LRRC9: variants seen among roughly 807,000 people sequenced by gnomAD.
The protein encoded by LRRC9 is leucine-rich repeat-containing protein 9.
LRRC9 carries 122 observed loss-of-function variants against 63.2 expected under a neutral mutation model. That is an observed-to-expected ratio of 1.93 (90% confidence interval 1.67 to 2.24). LRRC9 has a LOEUF of 2.24. Among genes scored for constraint, LRRC9 ranks in the 30% most tolerant of loss-of-function variants. The pLI is 0.00. For synonymous variants in LRRC9, 366 were observed against 213.1 expected (o/e 1.72, Z -6.25); for missense variants, 1,071 against 627.7 (o/e 1.71, Z -7.55).
chr14:59,974,763 T>G (rs1287660999), intron 13 of LRRC9, 55 bp downstream of exon 13: 2 of 566,144 alleles, frequency 3.5e-6, no homozygotes, highest in East Asian at 6.2e-5. Flanking sequence ...TCAAATTCAT[T>G]AATTATTTTT....
chr14:60,011,798 T>A (rs1890278526), intron 23 of LRRC9, among the ~76,000 whole-genome samples: 1 of 152,148 alleles, frequency 6.6e-6, no homozygotes, highest in Admixed American at 6.5e-5. Flanking sequence ...AAAGACACCA[T>A]AACAGAATAT....
chr14:59,998,760 G>T (rs1436948896), intron 18 of LRRC9, among the ~76,000 whole-genome samples: 1 of 152,010 alleles, frequency 6.6e-6, no homozygotes, highest in Non-Finnish European at 1.5e-5. Flanking sequence ...AAGGGCTAAA[G>T]ATCCATATTG....
At position 59,996,024 on chromosome 14, in the gene LRRC9, G is replaced by C. The variant is rs1014423868; in HGVS notation, c.2212-1632G>C. On this transcript the variant is annotated intron_variant, in intron 17 of 31. Transcript: ENST00000445360. ...CAAAGTGCTGGGATTACAGGCGTGA[G>C]CCACCGGGCCCGGGCAGAAGACAGT... Among the ~76,000 whole-genome samples, 15 of 152,266 alleles carry C rather than the reference G, an allele frequency of 9.9e-5. 1 individual carries two copies. Among genetic ancestry groups the C allele is most frequent in the Admixed American group, 6.5e-4 (10 of 15,290 alleles).
chr14:59,966,045 G>C lies in LRRC9; in HGVS notation c.1212-544G>C, dbSNP rs1884827037. Among the ~76,000 whole-genome samples the C allele has an allele frequency of 6.6e-6, 1 of 151,942 alleles. No homozygotes were observed. Among genetic ancestry groups the C allele is most frequent in the Admixed American group, 6.6e-5 (1 of 15,240 alleles). On this transcript the variant is annotated intron_variant, in intron 10 of 31. Transcript: ENST00000445360. The surrounding 1 kb of genome is among the most constrained non-coding windows in gnomAD (Gnocchi z 4.0). ...GGAGCAGGTTTGGGGTGCAGTGTTA[G>C]TTATGTTAGGTTGGAGTCACCTGTT...
intron 23 of LRRC9, among the ~76,000 whole-genome samples, chr14:60,012,769 G>A (rs1890351212): frequency 6.6e-6 from 1 of 152,086 alleles, no homozygotes. Context: ...GTTCCCAAAG[G>A]CTAAAATACT....
rs536057753 is a variant in LRRC9 at position 59,966,055 on chromosome 14, GT to G, written c.1212-532del. ...TGGGGTGCAGTGTTAGTTATGTTAGGTTGGAGTCACCTGTTTAACATGCAGA... is the reference window on the plus strand; with the variant it reads ...TGGGGTGCAGTGTTAGTTATGTTAGGTGGAGTCACCTGTTTAACATGCAGA... On this transcript the variant is annotated intron_variant, in intron 10 of 31. Coordinates refer to ENST00000445360, the Ensembl canonical transcript of LRRC9. This position sits in a 1 kb window ranked among gnomAD's most constrained non-coding sequence, Gnocchi z 4.0. Among the ~76,000 whole-genome samples, 816 of 152,146 alleles carry G rather than the reference GT, an allele frequency of 5.4e-3. 4 individuals are homozygous for G. Among genetic ancestry groups the G allele is most frequent in the Admixed American group, 0.012 (184 of 15,284 alleles).
chr14:60,061,594 C>A (rs1894662285), intron 31 of LRRC9, among the ~76,000 whole-genome samples: 1 of 152,124 alleles, frequency 6.6e-6, no homozygotes, highest in Admixed American at 6.5e-5. Flanking sequence ...TGGTCTGGGA[C>A]CACACCCACA....
intron 23 of LRRC9, among the ~76,000 whole-genome samples, chr14:60,014,066 A>C (rs1182694709): frequency 2.0e-5 from 3 of 151,644 alleles, no homozygotes; most frequent in Non-Finnish European, 4.4e-5. Context: ...AGTGTTTTTT[A>C]GTGTATCTCT....
At chr14:59,968,212 T>A (rs1885062997) in intron 12 of LRRC9, among the ~76,000 whole-genome samples, 2 of 152,128 alleles carry the variant, frequency 1.3e-5, no homozygotes, top group African/African-American at 4.8e-5. Flanking sequence ...GTATGTGAAG[T>A]ACCTAGAATA....
At chr14:60,011,417 G>A (rs565970525) in intron 23 of LRRC9, among the ~76,000 whole-genome samples, 40 of 152,192 alleles carry the variant, frequency 2.6e-4, no homozygotes, top group Non-Finnish European at 4.4e-4. Context: ...GGGACACAGA[G>A]CCAATCCATA....
chr14:59,960,851 T>C (rs1884278147), intron 9 of LRRC9, 63 bp from the exon 10 acceptor site: 2 of 496,860 alleles, frequency 4.0e-6, no homozygotes, highest in East Asian at 3.2e-5. Flanking sequence ...AAATCTATCA[T>C]AAGTTTTAAT....
chr14:59,981,869 T>C (rs1298004795), exon 16 of LRRC9: 6 of 697,976 alleles, frequency 8.6e-6, no homozygotes, highest in Non-Finnish European at 1.6e-5. Flanking sequence ...CTCTTTATTT[T>C]CTGTATTCAA....
rs772435930 is a variant in LRRC9 at position 59,985,104 on chromosome 14, G to C, written c.2092-1G>C. 6 of 659,212 alleles carry C rather than the reference G, an allele frequency of 9.1e-6. No homozygotes were observed. The South Asian group carries it at 1.0e-4, about 11-fold the overall frequency. 40.8% of individuals were successfully genotyped at this position (659,212 alleles called of 1,614,324 possible). On this transcript the variant is annotated splice_acceptor_variant, in intron 16 of 31. Transcript: ENST00000445360. LOFTEE classifies it high-confidence loss of function. ...TTAATGTATATTTTATTTTGCTTCA[G>C]AGTCTGAATCTACATGGAAACAGCT...
rs1365533246 is a variant in LRRC9 at position 59,932,374 on chromosome 14, T to C, written c.543+335T>C. 6.6e-6 allele frequency among the ~76,000 whole-genome samples: 1 copy of C among 152,166 alleles called. No homozygotes were observed. Among genetic ancestry groups the C allele is most frequent in the African/African-American group, 2.4e-5 (1 of 41,450 alleles). On this transcript the variant is annotated intron_variant, in intron 6 of 31. Coordinates refer to ENST00000445360, the Ensembl canonical transcript of LRRC9. This position sits in a 1 kb window ranked among gnomAD's most constrained non-coding sequence, Gnocchi z 4.7. ...TGGTCAGTACTGACATCTTTTCTCA[T>C]TTCTGTCTGCATTCATTCTCTAAAT...
chr14:59,987,266 C>T (rs1003534812), intron 17 of LRRC9, among the ~76,000 whole-genome samples: 12 of 151,190 alleles, frequency 7.9e-5, no homozygotes, highest in African/African-American at 2.7e-4. Context: ...ATCCCTAGCA[C>T]AATAGTTTGG....
At chr14:59,995,350 C>A (rs1888646887) in intron 17 of LRRC9, among the ~76,000 whole-genome samples, 2 of 152,144 alleles carry the variant, frequency 1.3e-5, no homozygotes, top group Non-Finnish European at 2.9e-5. Context: ...CTATTTGCAA[C>A]CTCGATCTAG....
intron 16 of LRRC9, 142 bp downstream of exon 16, chr14:59,982,202 C>G: frequency 3.5e-6 from 2 of 572,280 alleles, no homozygotes; most frequent in South Asian, 4.9e-5. Flanking sequence ...TTCTCTTTTT[C>G]TACTTGGATT....
At chr14:60,010,112 CA>C (rs1890141503) in intron 23 of LRRC9, among the ~76,000 whole-genome samples, 1 of 152,208 alleles carries the variant, frequency 6.6e-6, no homozygotes, top group Non-Finnish European at 1.5e-5. Context: ...GTCCCCCCCT[CA>C]CAGCTCCAAT....
Position 59,967,808 on chromosome 14 carries a change from A to G in LRRC9, c.1506+595A>G, listed in dbSNP as rs185365921. ...ACACATAAAATGATAATATTCCTGC[A>G]TTTGGATCCCGATTTCACTCCTCAC... On this transcript the variant is annotated intron_variant, in intron 12 of 31. Transcript: ENST00000445360. Among the ~76,000 whole-genome samples, 477 of 152,266 alleles carry G rather than the reference A, an allele frequency of 3.1e-3. 1 individual carries two copies. Among genetic ancestry groups the G allele is most frequent in the African/African-American group, 0.011 (460 of 41,546 alleles).
Sources: gnomAD v4.1 joint callset for allele counts (sites outside exome capture counted in the v4.1 genomes callset) on GRCh38, gnomAD v4.1.1 for gene constraint, Gnocchi (gnomAD v3.1) non-coding constraint, MANE v1.5 for transcripts, NCBI Gene and HGNC (gene_info 2026-07-23, HGNC 2026-07-21) for gene names.